The following TMEM260 variants were observed in gnomAD, a reference collection of about 807,000 sequenced individuals.
TMEM260 encodes transmembrane protein 260.
TMEM260 carries 82 observed loss-of-function variants against 88.9 expected under a neutral mutation model. The observed-to-expected ratio is 0.92, with a 90% CI of 0.77 to 1.11. The LOEUF is 1.11. Among genes scored for constraint, TMEM260 ranks in the 50% least tolerant of loss-of-function variants. The pLI, the probability that TMEM260 is intolerant of heterozygous loss-of-function variation, is 0.00. For missense variants in TMEM260, 902 were observed against 853.4 expected (o/e 1.06, Z -0.71); for synonymous variants, 314 against 309.3 (o/e 1.02, Z -0.16).
At chr14:56,643,217 T>G (rs1438005337) in intron 15 of TMEM260, among the ~76,000 whole-genome samples, 1 of 151,856 alleles carries the variant, frequency 6.6e-6, no homozygotes, top group East Asian at 1.9e-4. Flanking sequence ...CAAAAAGAAT[T>G]TTAGACCAGT....
At chr14:56,604,553 A>G (rs942699622) in intron 4 of TMEM260, among the ~76,000 whole-genome samples, 2 of 152,220 alleles carry the variant, frequency 1.3e-5, no homozygotes, top group African/African-American at 4.8e-5. Context: ...ATGCCAAATC[A>G]TCTTAGTATA....
chr14:56,658,284 G>A, the TMEM260 span, among the ~76,000 whole-genome samples: 1 of 152,094 alleles, frequency 6.6e-6, no homozygotes. Context: ...GTCTTACTCT[G>A]TTGCCCAGGC....
chr14:56,647,194 A>G, intron 15 of TMEM260, 49 bp from the exon 16 acceptor site: 1 of 1,538,528 alleles, frequency 6.5e-7, no homozygotes, highest in African/African-American at 1.4e-5. Context: ...TTGAAAAAAA[A>G]AAAGTCAAAG....
intron 12 of TMEM260, among the ~76,000 whole-genome samples, chr14:56,631,507 C>G (rs1347637955): frequency 6.6e-6 from 1 of 152,004 alleles, no homozygotes; most frequent in Non-Finnish European, 1.5e-5. Context: ...CCTGTAATCC[C>G]AGCTACTCCG....
chr14:56,658,482 C>T, the TMEM260 span, among the ~76,000 whole-genome samples: 2 of 151,784 alleles, frequency 1.3e-5, no homozygotes, highest in South Asian at 2.1e-4. Flanking sequence ...CCTGACCACT[C>T]GCCTCAGCCT....
intron 15 of TMEM260, among the ~76,000 whole-genome samples, chr14:56,644,042 G>C (rs1889787786): frequency 6.6e-6 from 1 of 152,256 alleles, no homozygotes; most frequent in East Asian, 1.9e-4. Flanking sequence ...CCATGCTCAT[G>C]GGTAGGAAGA....
intron 5 of TMEM260, among the ~76,000 whole-genome samples, chr14:56,606,597 A>G (rs1825827540): frequency 6.6e-6 from 1 of 152,218 alleles, no homozygotes; most frequent in South Asian, 2.1e-4. Context: ...GTGACTAAAA[A>G]GTAAGTAAAA....
At chr14:56,640,050 G>A (rs973398010) in intron 15 of TMEM260, among the ~76,000 whole-genome samples, 2 of 152,218 alleles carry the variant, frequency 1.3e-5, no homozygotes, top group African/African-American at 4.8e-5. Context: ...GCCTGCCTCT[G>A]TAGGCTCCAC....
chr14:56,636,505 C>CAGGATGA lies in TMEM260; in HGVS notation c.1779-1_1784dup. 1 of 1,613,774 alleles carries CAGGATGA rather than the reference C, an allele frequency of 6.2e-7. No individual in the cohort carries two copies. The highest frequency in any genetic ancestry group is 1.3e-5 in the African/African-American group (1 of 74,986). ...TAATGAAGGTTCCTATCCCCACCCC[C>CAGGATGA]AGGATGAAAACACCGTTCTTCATCT... On this transcript the variant is annotated splice_polypyrimidine_tract_variant and splice_region_variant and intron_variant, in intron 14 of 15. Transcript: ENST00000261556.
At chr14:56,582,274 T>C (rs1009129963) in intron 1 of TMEM260, among the ~76,000 whole-genome samples, 19 of 152,222 alleles carry the variant, frequency 1.2e-4, no homozygotes, top group Admixed American at 2.0e-4. Flanking sequence ...TTCATCACAT[T>C]GTGTCGTCTT....
chr14:56,632,007 A>G (rs545592853), intron 12 of TMEM260, among the ~76,000 whole-genome samples: 5 of 152,216 alleles, frequency 3.3e-5, no homozygotes, highest in Admixed American at 2.0e-4. Context: ...CTAGCTACCT[A>G]TGGTAACACT....
intron 7 of TMEM260, 117 bp from the exon 8 acceptor site, chr14:56,615,827 T>G (rs1356076915): frequency 4.6e-6 from 3 of 658,200 alleles, no homozygotes; most frequent in Non-Finnish European, 7.7e-6. Flanking sequence ...TTTTAAAATC[T>G]GACCCCAGCC....
At chr14:56,639,386 C>T (rs1404548936) in intron 15 of TMEM260, among the ~76,000 whole-genome samples, 1 of 152,168 alleles carries the variant, frequency 6.6e-6, no homozygotes, top group Non-Finnish European at 1.5e-5. Context: ...GATTATTATG[C>T]ATGGAGGCCT....
intron 4 of TMEM260, among the ~76,000 whole-genome samples, chr14:56,604,673 T>A (rs1363048455): frequency 1.3e-5 from 2 of 152,172 alleles, no homozygotes. Context: ...TATCTGATTA[T>A]GTTAAAAAAA....
rs34268894 is a variant in TMEM260, at chr14:56,593,677, CTTTTTTTTTTTTT to C, written c.344+7781_344+7793del. 6.9e-3 allele frequency among the ~76,000 whole-genome samples: 437 copies of C among 63,506 alleles called. 2 individuals carry two copies. Among genetic ancestry groups the C allele is most frequent in the Admixed American group, 0.014 (58 of 4,106 alleles). The allele number at this position is 63,506 out of a possible 152,430, so 41.7% of individuals were successfully genotyped here. On this transcript the variant is annotated intron_variant, in intron 3 of 15. Transcript: ENST00000261556. The stretch of plus-strand genomic sequence containing the variant: ...ATTATTGGTATTGACAGGTGAGTGT[CTTTTTTTTTTTTT>C]TTTTTTTTTTTTTTTGAGACTGAGT...
At chr14:56,634,028 G>C (rs1404686793) in intron 13 of TMEM260, among the ~76,000 whole-genome samples, 1 of 152,184 alleles carries the variant, frequency 6.6e-6, no homozygotes, top group East Asian at 1.9e-4. Context: ...GCCGTCATGA[G>C]AAAAAGTCAG....
chr14:56,645,212 C>T (rs1162301241), intron 15 of TMEM260, among the ~76,000 whole-genome samples: 1 of 144,620 alleles, frequency 6.9e-6, no homozygotes, highest in Non-Finnish European at 1.5e-5. Flanking sequence ...TATTGCGGCA[C>T]TATTCACAAT....
At chr14:56,621,477 T>C (rs1047190679) in intron 10 of TMEM260, 54 bp from the exon 11 acceptor site, 96 of 1,423,258 alleles carry the variant, frequency 6.7e-5, no homozygotes, top group Non-Finnish European at 5.8e-5. Flanking sequence ...CCTAGTCTTA[T>C]TAAAACTGTA....
Position 56,636,541 on chromosome 14 carries a change from A to AGAAACTGCTCAC in TMEM260, c.1813_1824dup (p.Glu605_His608dup), listed in dbSNP as rs756840000. The AGAAACTGCTCAC allele has an allele frequency of 2.5e-6, 4 of 1,614,088 alleles. No individual in the cohort carries two copies. Among genetic ancestry groups the AGAAACTGCTCAC allele is most frequent in the Non-Finnish European group, 3.4e-6 (4 of 1,179,996 alleles). Reference sequence around the variant, plus strand: ...CACCGTTCTTCATCTTTAACCTGGCAGAAACTGCTCACATGCCTTCAAAAG... The same window carrying AGAAACTGCTCAC: ...CACCGTTCTTCATCTTTAACCTGGCAGAAACTGCTCACGAAACTGCTCACATGCCTTCAAAAG... On this transcript the variant is annotated inframe_insertion, in exon 15 of 16. Transcript: ENST00000261556.
Sources: gnomAD v4.1 joint callset for allele counts (sites outside exome capture counted in the v4.1 genomes callset) on GRCh38, gnomAD v4.1.1 for gene constraint, MANE v1.5 for transcripts, NCBI Gene and HGNC (gene_info 2026-07-23, HGNC 2026-07-21) for gene names.